COL26A1: variants seen among roughly 807,000 people sequenced by gnomAD.
The protein encoded by COL26A1 is collagen alpha-1(XXVI) chain.
In COL26A1, 41 loss-of-function variants were observed where a neutral mutation model predicts 59.3. The ratio of observed to expected loss-of-function variants is 0.69; its 90% CI spans 0.54 to 0.90. The LOEUF (loss-of-function observed/expected upper bound fraction) is 0.90. Among genes scored for constraint, COL26A1 ranks in the 40% least tolerant of loss-of-function variants. The pLI is 0.00. For missense variants in COL26A1, 612 were observed against 602.3 expected (o/e 1.02, Z -0.17); for synonymous variants, 266 against 256.0 (o/e 1.04, Z -0.37).
At chr7:101,553,663 C>T (rs1795907533) in intron 11 of COL26A1, among the ~76,000 whole-genome samples, 1 of 152,108 alleles carries the variant, frequency 6.6e-6, no homozygotes. Context: ...GAGTCGCAAA[C>T]TTGTAGGAAA....
intron 3 of COL26A1, among the ~76,000 whole-genome samples, chr7:101,532,478 T>C (rs1795390412): frequency 6.6e-6 from 1 of 152,210 alleles, no homozygotes; most frequent in Admixed American, 6.5e-5. Context: ...TCAGAAAATG[T>C]ACTCTTTCAG....
At chr7:101,372,497 C>T (rs572792317) in intron 1 of COL26A1, among the ~76,000 whole-genome samples, 9 of 152,210 alleles carry the variant, frequency 5.9e-5, no homozygotes, top group Non-Finnish European at 1.2e-4. Context: ...GTGTTCCTGA[C>T]CACATACTTA....
In COL26A1 at chr7:101,545,510, G is replaced by A. The variant is rs182613321; in HGVS notation, c.856+20G>A. On this transcript the variant is annotated intron_variant, in intron 7 of 12. Transcript: ENST00000313669. ...AAGACAGTGAGTAATGCCCCTGGGG[G>A]GCCAAGGGAGGGCTGAGCTACGCTG... 9.4e-6 allele frequency: 15 copies of A among 1,587,998 alleles called. No homozygotes were observed. In the Middle Eastern group the frequency reaches 6.8e-4, roughly 72 times the overall value.
chr7:101,407,937 A>C (rs1035707983), intron 1 of COL26A1, among the ~76,000 whole-genome samples: 2 of 152,158 alleles, frequency 1.3e-5, no homozygotes, highest in African/African-American at 2.4e-5. Flanking sequence ...GATGGGTATA[A>C]ATAGGAGTGA....
intron 3 of COL26A1, among the ~76,000 whole-genome samples, chr7:101,481,447 A>AATAT (rs60951062): frequency 0.025 from 3,657 of 143,434 alleles, 94 homozygotes; most frequent in East Asian, 0.081. Context: ...AATCTCCCAA[A>AATAT]ATATATATAT....
At chr7:101,534,965 C>T (rs1795451330) in intron 4 of COL26A1, among the ~76,000 whole-genome samples, 1 of 152,212 alleles carries the variant, frequency 6.6e-6, no homozygotes, top group African/African-American at 2.4e-5. Flanking sequence ...GTGCTGTCAC[C>T]CACGCCAGCC....
At chr7:101,540,622 G>T (rs1015262636) in intron 5 of COL26A1, among the ~76,000 whole-genome samples, 5 of 149,842 alleles carry the variant, frequency 3.3e-5, no homozygotes, top group African/African-American at 1.2e-4. Flanking sequence ...GAAGGTCAAG[G>T]CAGGTGGATC....
chr7:101,425,016 G>A (rs1045302391), intron 2 of COL26A1, among the ~76,000 whole-genome samples: 1 of 151,834 alleles, frequency 6.6e-6, no homozygotes, highest in Non-Finnish European at 1.5e-5. Context: ...TTGAACTCCT[G>A]GGCTCAAGCA....
At chr7:101,443,875 T>TC (rs1323110077) in intron 2 of COL26A1, among the ~76,000 whole-genome samples, 2 of 147,996 alleles carry the variant, frequency 1.4e-5, no homozygotes, top group African/African-American at 4.9e-5. Context: ...TTCTTTTCTT[T>TC]TTTTTTTTTT....
intron 1 of COL26A1, among the ~76,000 whole-genome samples, chr7:101,365,442 T>G (rs1791020710): frequency 6.6e-6 from 1 of 152,140 alleles, no homozygotes; most frequent in South Asian, 2.1e-4. Context: ...CTGTGTTTTT[T>G]TTGAGACAGA....
chr7:101,518,350 C>T (rs1486995427), intron 3 of COL26A1, among the ~76,000 whole-genome samples: 2 of 152,178 alleles, frequency 1.3e-5, no homozygotes, highest in East Asian at 3.9e-4. Context: ...CAGGCCGCTC[C>T]CCACCCCACC....
At chr7:101,523,868 G>T (rs35916425) in intron 3 of COL26A1, among the ~76,000 whole-genome samples, 51,830 of 151,702 alleles carry the variant, frequency 0.34, 9,415 homozygotes, top group African/African-American at 0.44. Context: ...GGAATCAATC[G>T]GACAATTTCC....
chr7:101,440,379 A>G (rs1315475621), intron 2 of COL26A1, among the ~76,000 whole-genome samples: 1 of 152,160 alleles, frequency 6.6e-6, no homozygotes. Flanking sequence ...ACAAAAAAAC[A>G]ACAAAAAAAG....
intron 3 of COL26A1, among the ~76,000 whole-genome samples, chr7:101,459,953 G>T (rs1459620602): frequency 6.6e-6 from 1 of 152,090 alleles, no homozygotes; most frequent in East Asian, 1.9e-4. Context: ...GTTTTGAATG[G>T]CTGAGGGTTC....
At chr7:101,397,250 T>G (rs1791877145) in intron 1 of COL26A1, among the ~76,000 whole-genome samples, 1 of 152,144 alleles carries the variant, frequency 6.6e-6, no homozygotes, top group Non-Finnish European at 1.5e-5. Context: ...ATTGCAGGTC[T>G]CCTTTTCAGC....
chr7:101,551,237 G>GGGGGGTTGGGGGGGGGT, intron 10 of COL26A1, 94 bp downstream of exon 10: 1 of 386,364 alleles, frequency 2.6e-6, no homozygotes, highest in Non-Finnish European at 5.0e-6. Flanking sequence ...TGGTGGGGGG[G>GGGGGGTTGGGGGGGGGT]TTCAGCCCTG....
intron 6 of COL26A1, among the ~76,000 whole-genome samples, chr7:101,544,536 T>TC (rs1221557680): frequency 1.3e-5 from 2 of 148,378 alleles, no homozygotes; most frequent in Non-Finnish European, 3.0e-5. Context: ...GGCTTTTTTT[T>TC]TTTTTTTTTT....
intron 3 of COL26A1, among the ~76,000 whole-genome samples, chr7:101,471,567 G>GTTTTTTTTTTTTTTTTT (rs796287195): frequency 6.2e-5 from 7 of 112,386 alleles, no homozygotes; most frequent in African/African-American, 2.5e-4. Context: ...TGTTGTTGTT[G>GTTTTTTTTTTTTTTTTT]TTTGTTTTTT....
At chr7:101,555,613 G>A (rs1188015946) in intron 11 of COL26A1, among the ~76,000 whole-genome samples, 174 bp from the exon 12 acceptor site, 1 of 152,120 alleles carries the variant, frequency 6.6e-6, no homozygotes, top group African/African-American at 2.4e-5. Flanking sequence ...TTGAAGCCCT[G>A]TCTGGCACAT....
Sources: allele counts gnomAD v4.1 joint callset (sites outside exome capture counted in the v4.1 genomes callset), GRCh38; gene constraint gnomAD v4.1.1; transcripts MANE v1.5; gene names NCBI Gene and HGNC (gene_info 2026-07-23, HGNC 2026-07-21).